Variants in PITPNM2 observed in about 807,000 individuals in gnomAD.
The protein encoded by PITPNM2 is phosphatidylinositol transfer protein membrane associated 2.
In PITPNM2, 35 loss-of-function variants were observed where a neutral mutation model predicts 132.2. That is an observed-to-expected ratio of 0.26 (90% CI 0.20 to 0.35). The LOEUF is 0.35. Ranked by LOEUF, PITPNM2 falls within the 10% of genes least tolerant of loss-of-function variation. The probability of loss-of-function intolerance (pLI) is 1.00; values close to 1 mark genes in which losing one functional copy is unlikely to be tolerated. For missense variants in PITPNM2, 1,332 were observed against 1,912.0 expected (o/e 0.70, Z 5.66); for synonymous variants, 738 against 799.2 (o/e 0.92, Z 1.29).
At chr12:123,052,784 G>T (rs1227113900) in intron 2 of PITPNM2, among the ~76,000 whole-genome samples, 13 of 140,838 alleles carry the variant, frequency 9.2e-5, no homozygotes, top group East Asian at 4.1e-4. Context: ...TTTTATTTAA[G>T]TTTTTTTTTT....
In PITPNM2 at chr12:123,023,663, G is replaced by A. The variant is rs536355914; in HGVS notation, c.79-9621C>T. Among the ~76,000 whole-genome samples the A allele has an allele frequency of 3.9e-5, 6 of 152,206 alleles. No individual in the cohort carries two copies. Among genetic ancestry groups the A allele is most frequent in the African/African-American group, 1.4e-4 (6 of 41,516 alleles). ...AAAACACGTTCTCCTAAATGTAAGG[G>A]CTCAAACTATAAAACTCTTAAGAGA... On this transcript the variant is annotated intron_variant, in intron 3 of 25. Coordinates refer to ENST00000320201, the MANE Select transcript of PITPNM2 (RefSeq NM_020845.3). The surrounding 1 kb of genome is among the most constrained non-coding windows in gnomAD (Gnocchi z 4.8).
intron 1 of PITPNM2, among the ~76,000 whole-genome samples, chr12:123,141,002 C>T (rs1393779560): frequency 6.6e-6 from 1 of 151,360 alleles, no homozygotes. Flanking sequence ...TTGAAAGGTA[C>T]TTTGTACTGC....
intron 4 of PITPNM2, 46 bp from the exon 5 acceptor site, chr12:123,012,780 C>G (rs1156666644): frequency 1.2e-6 from 2 of 1,604,900 alleles, no homozygotes; most frequent in South Asian, 2.2e-5. Context: ...CTTGGAGAGG[C>G]CCAGTGTCCT....
chr12:122,999,248 G>A (rs1170489598), intron 10 of PITPNM2, among the ~76,000 whole-genome samples: 1 of 152,142 alleles, frequency 6.6e-6, no homozygotes, highest in Non-Finnish European at 1.5e-5. Context: ...ACCCCAGGAG[G>A]AGCCAAGGGC....
intron 16 of PITPNM2, 48 bp from the exon 17 acceptor site, chr12:122,990,757 GC>G: frequency 6.5e-7 from 1 of 1,541,280 alleles, no homozygotes; most frequent in Non-Finnish European, 8.7e-7. Flanking sequence ...GCCCTGCCCA[GC>G]CCCGGAGCAG....
intron 2 of PITPNM2, among the ~76,000 whole-genome samples, chr12:123,055,707 T>G (rs1309469062): frequency 6.6e-6 from 1 of 152,118 alleles, no homozygotes; most frequent in East Asian, 1.9e-4. Context: ...GATCTTCCAT[T>G]CAGCTTCAAA....
At position 123,062,984 on chromosome 12, in the gene PITPNM2, C is replaced by T. The variant is rs141612329; in HGVS notation, c.-95-28299G>A. Among the ~76,000 whole-genome samples the T allele has an allele frequency of 6.6e-5, 10 of 152,354 alleles. No individual in the cohort carries two copies. The East Asian group carries it at 1.9e-3, about 29-fold the overall frequency. On this transcript the variant is annotated intron_variant, in intron 2 of 25. Coordinates refer to ENST00000320201, the MANE Select transcript of PITPNM2 (RefSeq NM_020845.3). ...ACACAGTCCAAAGAGATGAGTCACA[C>T]ACGAAAGCAAATGTGCACACACACA... is the stretch of plus-strand genomic sequence containing the variant.
intron 1 of PITPNM2, among the ~76,000 whole-genome samples, chr12:123,145,204 T>C (rs2043589907): frequency 6.6e-6 from 1 of 152,044 alleles, no homozygotes; most frequent in Non-Finnish European, 1.5e-5. Context: ...AACCTAACTA[T>C]GGCCAACAAT....
intron 3 of PITPNM2, among the ~76,000 whole-genome samples, chr12:123,027,993 C>T (rs895227026): frequency 2.0e-5 from 3 of 152,228 alleles, no homozygotes; most frequent in Non-Finnish European, 4.4e-5. Flanking sequence ...CCTACCATTC[C>T]CCTAAACAGT....
At chr12:123,084,459 C>G (rs1460616212) in intron 2 of PITPNM2, 4 of 152,192 alleles carry the variant, frequency 2.6e-5, no homozygotes, top group African/African-American at 4.8e-5. Context: ...AGAACCACAC[C>G]GTGCATTCAG....
chr12:123,087,223 C>T (rs2042135859), intron 2 of PITPNM2: 1 of 152,130 alleles, frequency 6.6e-6, no homozygotes, highest in South Asian at 2.1e-4. Context: ...AATGAATTTC[C>T]CTCAATGAAA....
Position 122,988,352 on chromosome 12 carries a change from T to A in PITPNM2, c.2881-2A>T. The stretch of plus-strand genomic sequence containing the variant: ...GCTGGAGTTGTCATGCCTCATGACC[T>A]GGGAAGAGGGGACAGTGCAGGCTGT... On this transcript the variant is annotated splice_acceptor_variant, in intron 19 of 25. Coordinates refer to ENST00000320201, the MANE Select transcript of PITPNM2 (RefSeq NM_020845.3). LOFTEE classifies it high-confidence loss of function. The A allele has an allele frequency of 6.2e-7, 1 of 1,611,866 alleles. No individual in the cohort carries two copies. The highest frequency in any genetic ancestry group is 8.5e-7 in the Non-Finnish European group (1 of 1,178,732).
intron 3 of PITPNM2, among the ~76,000 whole-genome samples, chr12:123,019,618 C>CA (rs2039589815): frequency 6.6e-6 from 1 of 152,232 alleles, no homozygotes; most frequent in African/African-American, 2.4e-5. Flanking sequence ...CCGCAAGCCC[C>CA]ATCAGCCAAA....
chr12:123,010,850 G>A (rs953726556), intron 5 of PITPNM2: 2 of 154,102 alleles, frequency 1.3e-5, no homozygotes, highest in Non-Finnish European at 2.9e-5. Flanking sequence ...GACCGGAAGA[G>A]ATGTCTGAAG....
intron 3 of PITPNM2, 51 bp downstream of exon 3, chr12:123,034,462 G>T: frequency 6.5e-7 from 1 of 1,544,290 alleles, no homozygotes; most frequent in Non-Finnish European, 8.9e-7. Context: ...GTGTCTGTGC[G>T]CTGGCGCGAC....
chr12:123,081,090 A>G (rs1389519706), intron 2 of PITPNM2: 1 of 152,274 alleles, frequency 6.6e-6, no homozygotes, highest in Non-Finnish European at 1.5e-5. Flanking sequence ...AAAAGGACGC[A>G]TGGTCCAGGC....
intron 2 of PITPNM2, among the ~76,000 whole-genome samples, chr12:123,055,166 G>A (rs1485553748): frequency 1.3e-5 from 2 of 152,238 alleles, no homozygotes; most frequent in Admixed American, 1.3e-4. Flanking sequence ...CTCTTTGTAT[G>A]ATGGTTCTGA....
chr12:123,076,173 G>C (rs1246123182), intron 2 of PITPNM2: 1 of 152,276 alleles, frequency 6.6e-6, no homozygotes, highest in Non-Finnish European at 1.5e-5. Context: ...CCAGAATCCA[G>C]ATGCCCGTAA....
intron 3 of PITPNM2, among the ~76,000 whole-genome samples, chr12:123,015,874 A>G (rs1485466911): frequency 6.6e-6 from 1 of 152,238 alleles, no homozygotes; most frequent in Non-Finnish European, 1.5e-5. Context: ...ACTTGTATCC[A>G]GAATATATAA....
Sources: allele counts gnomAD v4.1 joint callset (sites outside exome capture counted in the v4.1 genomes callset), GRCh38; gene constraint gnomAD v4.1.1; non-coding constraint Gnocchi (gnomAD v3.1); transcripts MANE v1.5; gene names NCBI Gene and HGNC (gene_info 2026-07-23, HGNC 2026-07-21).